Variants in LGR5 observed in about 807,000 individuals in gnomAD.
LGR5 encodes the protein leucine-rich repeat-containing G protein-coupled receptor 5.
A neutral mutation model predicts 76.7 loss-of-function variants in LGR5; 54 were observed. The ratio of observed to expected loss-of-function variants is 0.70; its 90% confidence interval spans 0.57 to 0.88. LGR5 has a LOEUF of 0.88. LGR5 is among the 40% of genes least tolerant of loss of function. The pLI is 0.00. For synonymous variants in LGR5, 406 were observed against 421.9 expected, an observed-to-expected ratio of 0.96 and a Z score of 0.46; for missense variants, 1,078 against 1,073.3, an observed-to-expected ratio of 1.00 and a Z score of -0.06.
intron 1 of LGR5, chr12:71,448,663 GTTA>G (rs1225734281): frequency 6.6e-6 from 1 of 152,158 alleles, no homozygotes; most frequent in Non-Finnish European, 1.5e-5. Context: ...ATATATGGTT[GTTA>G]TTATGTGATT....
At chr12:71,511,494 C>T (rs546356125) in intron 2 of LGR5, among the ~76,000 whole-genome samples, 6 of 152,220 alleles carry the variant, frequency 3.9e-5, no homozygotes, top group Middle Eastern at 3.4e-3. Context: ...TAGTGGTTCT[C>T]GAAATCTAGT....
At chr12:71,518,341 C>G (rs1293708476) in intron 2 of LGR5, among the ~76,000 whole-genome samples, 1 of 152,066 alleles carries the variant, frequency 6.6e-6, no homozygotes, top group African/African-American at 2.4e-5. Flanking sequence ...ATTAAAAAGT[C>G]AAAACATAAC....
At chr12:71,553,052 C>T (rs752697626) in intron 4 of LGR5, 21 bp from the exon 5 acceptor site, 1 of 1,610,386 alleles carries the variant, frequency 6.2e-7, no homozygotes, top group African/African-American at 1.3e-5. Flanking sequence ...CTTTTCCATT[C>T]TTGCTTTCTT....
chr12:71,575,742 G>A (rs1878822631), intron 13 of LGR5, among the ~76,000 whole-genome samples: 1 of 151,886 alleles, frequency 6.6e-6, no homozygotes, highest in African/African-American at 2.4e-5. Flanking sequence ...GTGTGTGTGT[G>A]TGTGTGTGTG....
intron 16 of LGR5, among the ~76,000 whole-genome samples, chr12:71,581,613 T>C (rs1188777304): frequency 6.6e-6 from 1 of 152,250 alleles, no homozygotes; most frequent in Non-Finnish European, 1.5e-5. Flanking sequence ...ACAGCATGTG[T>C]CTTGTTCTTG....
intron 11 of LGR5, 140 bp downstream of exon 11, chr12:71,567,052 G>A: frequency 4.4e-6 from 3 of 687,234 alleles, no homozygotes; most frequent in East Asian, 5.4e-5. Context: ...AGCCTCCTTT[G>A]CCCTCTTTGG....
At chr12:71,478,655 T>C (rs1196712589) in intron 1 of LGR5, among the ~76,000 whole-genome samples, 1 of 152,220 alleles carries the variant, frequency 6.6e-6, no homozygotes, top group Non-Finnish European at 1.5e-5. Context: ...TTTTTGTCTC[T>C]CATTTTTCCA....
At chr12:71,554,127 G>A (rs144801228) in intron 5 of LGR5, among the ~76,000 whole-genome samples, 5 of 152,262 alleles carry the variant, frequency 3.3e-5, no homozygotes, top group African/African-American at 1.2e-4. Context: ...CCAGCTCAAT[G>A]GAAGACTAGA....
intron 13 of LGR5, among the ~76,000 whole-genome samples, chr12:71,576,357 T>A (rs2137466749): frequency 6.6e-6 from 1 of 151,806 alleles, no homozygotes; most frequent in East Asian, 1.9e-4. Flanking sequence ...GGGGCTAGAG[T>A]CACAGGGAGG....
intron 1 of LGR5, among the ~76,000 whole-genome samples, chr12:71,493,181 G>A (rs2137282782): frequency 6.6e-6 from 1 of 151,326 alleles, no homozygotes; most frequent in East Asian, 1.9e-4. Context: ...AAGACAATAG[G>A]GATCGTTTCC....
At chr12:71,540,761 G>C (rs935056214) in intron 4 of LGR5, among the ~76,000 whole-genome samples, 1 of 152,056 alleles carries the variant, frequency 6.6e-6, no homozygotes, top group Non-Finnish European at 1.5e-5. Flanking sequence ...CTTCAGACAT[G>C]GGATATAGAA....
At chr12:71,471,931 A>G (rs1873120841) in intron 1 of LGR5, among the ~76,000 whole-genome samples, 2 of 152,178 alleles carry the variant, frequency 1.3e-5, no homozygotes, top group Admixed American at 1.3e-4. Flanking sequence ...ATTCTAACAT[A>G]CTTGTAATAG....
At chr12:71,582,322 C>T in intron 16 of LGR5, 134 bp from the exon 17 acceptor site, 1 of 688,030 alleles carries the variant, frequency 1.5e-6, no homozygotes, top group East Asian at 2.6e-5. Context: ...TTTATAATAA[C>T]TTGCAAGAAA....
In LGR5 at chr12:71,440,530, C is replaced by T. The variant is rs761038600; in HGVS notation, c.212+238C>T. Reference sequence around the variant, plus strand: ...TGGCTTCGAGTGCAACCCGGGAAAGCGCTGCTGCGCCGCAGCTTCCCAGTC... The same window carrying T: ...TGGCTTCGAGTGCAACCCGGGAAAGTGCTGCTGCGCCGCAGCTTCCCAGTC... On this transcript the variant is annotated intron_variant, in intron 1 of 17. Coordinates refer to ENST00000266674, the MANE Select transcript of LGR5 (RefSeq NM_003667.4). This position sits in a 1 kb window ranked among gnomAD's most constrained non-coding sequence, Gnocchi z 5.3. Among the ~76,000 whole-genome samples, 3 of 152,224 alleles carry T rather than the reference C, an allele frequency of 2.0e-5. No individual in the cohort carries two copies. Among genetic ancestry groups the T allele is most frequent in the Non-Finnish European group, 4.4e-5 (3 of 68,036 alleles).
chr12:71,573,169 G>A, intron 13 of LGR5: 2 of 368,846 alleles, frequency 5.4e-6, no homozygotes, highest in South Asian at 5.5e-5. Context: ...AAGCTAAGCT[G>A]TTGACTAGCC....
intron 1 of LGR5, among the ~76,000 whole-genome samples, chr12:71,450,981 C>T (rs1167859835): frequency 6.6e-6 from 1 of 152,114 alleles, no homozygotes; most frequent in Non-Finnish European, 1.5e-5. Context: ...AACCTGCAAC[C>T]CCTGCTGCCA....
chr12:71,502,749 G>A (rs141054330), intron 1 of LGR5, among the ~76,000 whole-genome samples: 2 of 152,302 alleles, frequency 1.3e-5, no homozygotes, highest in East Asian at 3.9e-4. Context: ...AAAGTGTTCA[G>A]GTGGGAACCA....
intron 1 of LGR5, among the ~76,000 whole-genome samples, chr12:71,476,098 A>G (rs1454968914): frequency 2.0e-5 from 3 of 152,136 alleles, no homozygotes; most frequent in African/African-American, 7.2e-5. Context: ...CTATCCAGCC[A>G]GCCAGATTAA....
chr12:71,481,597 G>A (rs1396784972), intron 1 of LGR5, among the ~76,000 whole-genome samples: 4 of 152,090 alleles, frequency 2.6e-5, no homozygotes, highest in Non-Finnish European at 4.4e-5. Flanking sequence ...TTTATACTCA[G>A]AGCCTTTGCA....
Sources: allele counts gnomAD v4.1 joint callset (sites outside exome capture counted in the v4.1 genomes callset), GRCh38; gene constraint gnomAD v4.1.1; non-coding constraint Gnocchi (gnomAD v3.1); transcripts MANE v1.5; gene names NCBI Gene and HGNC (gene_info 2026-07-23, HGNC 2026-07-21).